Variants in RNF10 observed in about 807,000 individuals in gnomAD.
RNF10 encodes ring finger protein 10.
RNF10 carries 38 observed loss-of-function variants against 91.4 expected under a neutral mutation model. That is an observed-to-expected ratio of 0.42 (90% CI 0.32 to 0.54). RNF10 has a LOEUF of 0.54. Ranked by LOEUF, RNF10 falls within the 20% of genes least tolerant of loss-of-function variation. The pLI, the probability that RNF10 is intolerant of heterozygous loss-of-function variation, is 0.16. For synonymous variants in RNF10, 364 were observed against 366.3 expected, an observed-to-expected ratio of 0.99 and a Z score of 0.07; for missense variants, 945 against 1,012.0, an observed-to-expected ratio of 0.93 and a Z score of 0.90.
intron 13 of RNF10, among the ~76,000 whole-genome samples, chr12:120,570,405 T>TGAACTCCTGACCTC (rs1876453917): frequency 6.6e-6 from 1 of 151,334 alleles, no homozygotes; most frequent in African/African-American, 2.4e-5. Context: ...AGCCTGGTCT[T>TGAACTCCTGACCTC]GAACTCCTGA....
intron 6 of RNF10, among the ~76,000 whole-genome samples, chr12:120,559,631 C>T (rs1874541279): frequency 6.6e-6 from 1 of 152,032 alleles, no homozygotes; most frequent in African/African-American, 2.4e-5. Flanking sequence ...GATCCGCCTA[C>T]CTCAGCCTCC....
intron 2 of RNF10, among the ~76,000 whole-genome samples, chr12:120,548,142 A>C (rs910018971): frequency 2.0e-5 from 3 of 152,182 alleles, no homozygotes; most frequent in African/African-American, 7.2e-5. Flanking sequence ...TAGGGTTGAG[A>C]TAAAGAACTT....
chr12:120,559,295 C>T (rs935224551), intron 6 of RNF10, among the ~76,000 whole-genome samples: 2 of 148,846 alleles, frequency 1.3e-5, no homozygotes, highest in Admixed American at 1.4e-4. Context: ...GATTTTCCTT[C>T]CTCAGCTTCC....
At chr12:120,571,106 C>A (rs1194556317) in intron 13 of RNF10, 85 bp from the exon 14 acceptor site, 1 of 808,774 alleles carries the variant, frequency 1.2e-6, no homozygotes, top group Non-Finnish European at 2.0e-6. Context: ...ATTTTCCAGA[C>A]CTGACTCAGG....
At chr12:120,563,997 T>G in intron 10 of RNF10, 54 bp downstream of exon 10, 4 of 1,601,814 alleles carry the variant, frequency 2.5e-6, no homozygotes, top group African/African-American at 1.3e-5. Flanking sequence ...ACCTAATCTC[T>G]TTGAGGTAGG....
intron 4 of RNF10, among the ~76,000 whole-genome samples, chr12:120,556,530 C>CAAAAAAAAAAAAA (rs34889649): frequency 1.0e-4 from 2 of 19,216 alleles, no homozygotes; most frequent in African/African-American, 4.4e-4. Flanking sequence ...GACTCCGTCT[C>CAAAAAAAAAAAAA]AAAAAAAAAA....
At chr12:120,562,717 C>A (rs1256504474) in intron 7 of RNF10, among the ~76,000 whole-genome samples, 1 of 152,180 alleles carries the variant, frequency 6.6e-6, no homozygotes, top group Non-Finnish European at 1.5e-5. Flanking sequence ...AATTTACACT[C>A]CCCAGTGTCA....
chr12:120,536,030 T>C (rs1417914186), intron 1 of RNF10, among the ~76,000 whole-genome samples: 3 of 152,136 alleles, frequency 2.0e-5, no homozygotes, highest in African/African-American at 4.8e-5. Flanking sequence ...AATAGGAAGG[T>C]GTTTTCAGCG....
rs778113513 is a variant in RNF10 at position 120,565,165 on chromosome 12, A to G, written c.1759A>G (p.Lys587Glu). The change falls in exon 11 of 17, where the codon AAG becomes GAG. Residue 587 changes from lysine (K) to glutamate (E), a missense_variant. By Grantham distance (56) the Lys-to-Glu change is moderately conservative. Transcript: ENST00000325954. ...GGCTTTGCAACCTCCTGTGGTCTCTAAGGAAACCCTAGAGATGTTCTCAGG... is the reference window on the plus strand; with the variant it reads ...GGCTTTGCAACCTCCTGTGGTCTCTGAGGAAACCCTAGAGATGTTCTCAGG... ...ELALQPPVVSKETLEMFSDDI... is the reference protein window; with the variant it reads ...ELALQPPVVSEETLEMFSDDI... The G allele has an allele frequency of 1.9e-6, 3 of 1,611,592 alleles. No individual in the cohort carries two copies. The highest frequency in any genetic ancestry group is 2.2e-5 in the East Asian group (1 of 44,872).
At position 120,547,220 on chromosome 12, in the gene RNF10, G is replaced by A. The variant is rs574529886; in HGVS notation, c.354+619G>A. Reference sequence around the variant, plus strand: ...GTAACAAGGAAAACAGTTTTAGAAGGTGCTTTAAAGACACCTTCTCTGAGG... The same window carrying A: ...GTAACAAGGAAAACAGTTTTAGAAGATGCTTTAAAGACACCTTCTCTGAGG... On this transcript the variant is annotated intron_variant, in intron 2 of 16. Coordinates refer to ENST00000325954, the MANE Select transcript of RNF10 (RefSeq NM_014868.5). Among the ~76,000 whole-genome samples the A allele has an allele frequency of 4.1e-3, 621 of 152,244 alleles. 4 individuals carry two copies. Among genetic ancestry groups the A allele is most frequent in the African/African-American group, 0.014 (599 of 41,552 alleles).
At chr12:120,538,669 A>T (rs1390898966) in intron 1 of RNF10, among the ~76,000 whole-genome samples, 1 of 152,150 alleles carries the variant, frequency 6.6e-6, no homozygotes, top group Non-Finnish European at 1.5e-5. Flanking sequence ...GGCAAGAGAG[A>T]AGGTAGGCCG....
At position 120,575,614 on chromosome 12, in the gene RNF10, C is replaced by A; in HGVS notation, c.2143-17C>A. ...GCTACTTAAATTCTCTCCCCCACTT[C>A]TTTCCCACTTTGGCAGATGCTGAGG... is the stretch of plus-strand genomic sequence containing the variant. On this transcript the variant is annotated splice_polypyrimidine_tract_variant and intron_variant, in intron 14 of 16. Coordinates refer to ENST00000325954, the MANE Select transcript of RNF10 (RefSeq NM_014868.5). 6.2e-7 allele frequency: 1 copy of A among 1,614,160 alleles called. No individual in the cohort carries two copies. The highest frequency in any genetic ancestry group is 1.1e-5 in the South Asian group (1 of 91,064).
chr12:120,538,055 A>G (rs926530812), intron 1 of RNF10, among the ~76,000 whole-genome samples: 45 of 152,184 alleles, frequency 3.0e-4, no homozygotes, highest in Admixed American at 2.6e-3. Context: ...ATAATCCCAT[A>G]AAAAGATTTC....
intron 14 of RNF10, chr12:120,574,383 C>T: frequency 2.2e-6 from 1 of 452,526 alleles, no homozygotes; most frequent in Non-Finnish European, 4.4e-6. Flanking sequence ...TAGTGGCCTT[C>T]AGCAGTTACA....
intron 1 of RNF10, among the ~76,000 whole-genome samples, chr12:120,542,402 C>G (rs941335717): frequency 1.3e-5 from 2 of 152,186 alleles, no homozygotes; most frequent in Non-Finnish European, 2.9e-5. Flanking sequence ...GATCCTCTTG[C>G]TTTGGCTTCC....
Position 120,546,975 on chromosome 12 carries a change from A to C in RNF10, c.354+374A>C, listed in dbSNP as rs567582134. ...GTAAAATGCATATATCTATAGTCTC[A>C]AATTTTTTTTAGGAGTTTCTTAGCT... On this transcript the variant is annotated intron_variant, in intron 2 of 16. Transcript: ENST00000325954. Among the ~76,000 whole-genome samples, 346 of 152,302 alleles carry C rather than the reference A, an allele frequency of 2.3e-3. 1 individual carries two copies. The highest frequency in any genetic ancestry group is 8.1e-3 in the African/African-American group (336 of 41,576).
intron 8 of RNF10, 118 bp downstream of exon 8, chr12:120,563,188 G>C (rs928303421): frequency 3.3e-6 from 5 of 1,513,194 alleles, no homozygotes; most frequent in African/African-American, 1.4e-5. Flanking sequence ...AGTATTTTCT[G>C]TATGCTTGTT....
chr12:120,534,902 A>T lies in RNF10; in HGVS notation c.91A>T (p.Ser31Cys). 1 of 1,607,926 alleles carries T rather than the reference A, an allele frequency of 6.2e-7. No individual in the cohort carries two copies. The highest frequency in any genetic ancestry group is 8.5e-7 in the Non-Finnish European group (1 of 1,179,592). ...CAGCTCCTCCGCCTCTTCGGGCAGC[A>T]GCAAAGGGCAACAGCCGCCCCGCTC... is the stretch of plus-strand genomic sequence containing the variant. ...SNSSSASSGS[S>C]KGQQPPRSAS... The change falls in exon 1 of 17, where the codon AGC becomes TGC. Residue 31 changes from serine (S) to cysteine (C), a missense_variant. Ser to Cys is a moderately radical substitution (Grantham distance 112). Coordinates refer to ENST00000325954, the MANE Select transcript of RNF10 (RefSeq NM_014868.5).
intron 14 of RNF10, 23 bp downstream of exon 14, chr12:120,571,314 A>G (rs772843551): frequency 6.5e-7 from 1 of 1,527,550 alleles, no homozygotes. Context: ...CTTGTGAAGC[A>G]GCCCAGGGGT....
Sources: allele counts gnomAD v4.1 joint callset (sites outside exome capture counted in the v4.1 genomes callset), GRCh38; gene constraint gnomAD v4.1.1; transcripts MANE v1.5; gene names NCBI Gene and HGNC (gene_info 2026-07-23, HGNC 2026-07-21).